Variants in CNTN6 observed in about 807,000 individuals in gnomAD.
CNTN6 encodes the protein contactin-6.
Under a neutral mutation model 122.8 loss-of-function variants are expected in CNTN6, and 137 were observed. The ratio of observed to expected loss-of-function variants is 1.12; its 90% CI spans 0.97 to 1.29. The LOEUF (loss-of-function observed/expected upper bound fraction) is 1.29, where lower values mean the gene tolerates loss of function less well. Among genes scored for constraint, CNTN6 ranks in the 50% most tolerant of loss-of-function variants. The pLI is 0.00. For missense variants in CNTN6, 1,634 were observed against 1,223.4 expected (o/e 1.34, Z -5.01); for synonymous variants, 570 against 426.0 (o/e 1.34, Z -4.16).
At chr3:1,346,287 G>A (rs745575949) in intron 11 of CNTN6, among the ~76,000 whole-genome samples, 3 of 152,094 alleles carry the variant, frequency 2.0e-5, no homozygotes, top group Non-Finnish European at 4.4e-5. Flanking sequence ...TTTGGATATG[G>A]ATTGTCCCCA....
In CNTN6 at chr3:1,119,115, C is replaced by T. The variant is rs28692772; in HGVS notation, c.-83+25995C>T. ...AGGCTGTTGGAAAGTGTGCCACAGG[C>T]TTTTTTACATTCTGTCTTCGAGACA... On this transcript the variant is annotated intron_variant, in intron 1 of 22. Transcript: ENST00000446702. Among the ~76,000 whole-genome samples the T allele has an allele frequency of 4.4e-3, 663 of 151,204 alleles. 5 individuals carry two copies. The highest frequency in any genetic ancestry group is 0.015 in the African/African-American group (638 of 41,214).
At chr3:1,335,713 A>G (rs536174297) in intron 11 of CNTN6, among the ~76,000 whole-genome samples, 33 of 152,262 alleles carry the variant, frequency 2.2e-4, no homozygotes, top group Non-Finnish European at 4.1e-4. Flanking sequence ...ATGTTGTCCT[A>G]TTATTGGAAG....
intron 16 of CNTN6, among the ~76,000 whole-genome samples, chr3:1,376,179 A>T (rs745734818): frequency 1.6e-4 from 25 of 152,126 alleles, no homozygotes; most frequent in Non-Finnish European, 3.5e-4. Flanking sequence ...ATGCTTTTAA[A>T]CACTTACGCA....
At chr3:1,365,319 A>G (rs1252560412) in intron 12 of CNTN6, among the ~76,000 whole-genome samples, 1 of 152,062 alleles carries the variant, frequency 6.6e-6, no homozygotes, top group Non-Finnish European at 1.5e-5. Context: ...CTTCTTTTTA[A>G]TATAACATAA....
chr3:1,378,828 T>G (rs1201829071), intron 17 of CNTN6, among the ~76,000 whole-genome samples: 1 of 152,192 alleles, frequency 6.6e-6, no homozygotes, highest in Admixed American at 6.5e-5. Flanking sequence ...CCAATTGTCT[T>G]CATGCACTGT....
At chr3:1,280,459 A>ATTTTTTGTTTTTTTTTTTT (rs1693175887) in intron 5 of CNTN6, among the ~76,000 whole-genome samples, 1 of 66,652 alleles carries the variant, frequency 1.5e-5, no homozygotes, top group Non-Finnish European at 2.7e-5. Flanking sequence ...TGTAATACCA[A>ATTTTTTGTTTTTTTTTTTT]TTTTTTTTTT....
chr3:1,337,924 C>T (rs1173473559), intron 11 of CNTN6, among the ~76,000 whole-genome samples: 1 of 152,084 alleles, frequency 6.6e-6, no homozygotes, highest in Non-Finnish European at 1.5e-5. Context: ...CCCCACTGAC[C>T]TCCACTGATC....
chr3:1,100,638 G>C (rs550807467), intron 1 of CNTN6, among the ~76,000 whole-genome samples: 1 of 151,742 alleles, frequency 6.6e-6, no homozygotes, highest in Non-Finnish European at 1.5e-5. Context: ...TTATTTCTAG[G>C]CTTCTGTCTT....
intron 17 of CNTN6, among the ~76,000 whole-genome samples, chr3:1,381,522 G>T (rs1292047355): frequency 6.6e-6 from 1 of 152,100 alleles, no homozygotes; most frequent in African/African-American, 2.4e-5. Flanking sequence ...GTCAGATGAA[G>T]AACCGGAACA....
intron 5 of CNTN6, among the ~76,000 whole-genome samples, chr3:1,285,694 T>A (rs1468807022): frequency 6.6e-6 from 1 of 152,200 alleles, no homozygotes; most frequent in Admixed American, 6.5e-5. Context: ...CAACTAACTA[T>A]AACATAGCTT....
chr3:1,102,893 A>T (rs11928809), intron 1 of CNTN6, among the ~76,000 whole-genome samples: 1 of 147,600 alleles, frequency 6.8e-6, no homozygotes. Flanking sequence ...GGATCACGAG[A>T]TCAGGAGATC....
At chr3:1,159,941 C>T (rs2093085120) in intron 2 of CNTN6, among the ~76,000 whole-genome samples, 1 of 151,982 alleles carries the variant, frequency 6.6e-6, no homozygotes, top group Non-Finnish European at 1.5e-5. Context: ...CTGCCTCAGC[C>T]TCCTGAATAG....
At chr3:1,274,826 T>C (rs781582468) in intron 4 of CNTN6, among the ~76,000 whole-genome samples, 7 of 152,122 alleles carry the variant, frequency 4.6e-5, no homozygotes, top group Non-Finnish European at 8.8e-5. Flanking sequence ...CACTACCCAG[T>C]AGTAGTAATT....
intron 11 of CNTN6, among the ~76,000 whole-genome samples, chr3:1,334,010 A>C (rs1386091155): frequency 6.6e-6 from 1 of 152,142 alleles, no homozygotes; most frequent in Non-Finnish European, 1.5e-5. Flanking sequence ...CATGTTTCTT[A>C]TTAGCCTATG....
chr3:1,343,784 C>G (rs1437556754), intron 11 of CNTN6, among the ~76,000 whole-genome samples: 1 of 151,944 alleles, frequency 6.6e-6, no homozygotes, highest in Admixed American at 6.6e-5. Flanking sequence ...ACTCATATCC[C>G]CATTCTATAT....
chr3:1,119,111 C>G (rs1273543843), intron 1 of CNTN6, among the ~76,000 whole-genome samples: 1 of 151,576 alleles, frequency 6.6e-6, no homozygotes, highest in East Asian at 1.9e-4. Flanking sequence ...AAGTGTGCCA[C>G]AGGCTTTTTT....
intron 2 of CNTN6, among the ~76,000 whole-genome samples, chr3:1,182,982 A>C (rs1389748904): frequency 6.6e-6 from 1 of 152,184 alleles, no homozygotes; most frequent in Non-Finnish European, 1.5e-5. Flanking sequence ...TGTTTAAAAA[A>C]ATTTAACTGT....
intron 1 of CNTN6, among the ~76,000 whole-genome samples, chr3:1,143,281 C>A (rs976282912): frequency 2.0e-5 from 3 of 152,014 alleles, no homozygotes; most frequent in Admixed American, 6.6e-5. Context: ...TACTTTTGTA[C>A]TGAGCAATTT....
At chr3:1,263,363 C>T (rs2094878007) in intron 4 of CNTN6, among the ~76,000 whole-genome samples, 1 of 152,120 alleles carries the variant, frequency 6.6e-6, no homozygotes, top group African/African-American at 2.4e-5. Flanking sequence ...TCTGTCTCCC[C>T]TGGGCCCCAG....
Sources: allele counts gnomAD v4.1 joint callset (sites outside exome capture counted in the v4.1 genomes callset), GRCh38; gene constraint gnomAD v4.1.1; transcripts MANE v1.5; gene names NCBI Gene and HGNC (gene_info 2026-07-23, HGNC 2026-07-21).